The following SMPX variants were observed in gnomAD, a reference collection of about 807,000 sequenced individuals.
SMPX encodes small muscle protein X-linked, also known as small muscular protein.
A neutral mutation model predicts 6.3 loss-of-function variants in SMPX; 2 were observed. That is an observed-to-expected ratio of 0.32 (90% CI 0.13 to 0.99). The LOEUF is 0.99. Ranked by LOEUF, SMPX falls within the 50% of genes least tolerant of loss-of-function variation. SMPX has a pLI of 0.49. For synonymous variants in SMPX, 32 were observed against 24.7 expected, an observed-to-expected ratio of 1.30 and a Z score of -0.88; for missense variants, 60 against 66.8, an observed-to-expected ratio of 0.90 and a Z score of 0.36.
rs375024840 is a variant in SMPX, at chrX:21,743,266, T to C, written c.132+484A>G. ...TCCCCAAATAATTTAATGTGCTTAC[T>C]TTCTGCATTCTCACTTATCAGAAGC... On this transcript the variant is annotated intron_variant, in intron 3 of 4. Transcript: ENST00000379494. Among the ~76,000 whole-genome samples the C allele has an allele frequency of 2.5e-4, 28 of 112,084 alleles. No homozygotes were observed. In the East Asian group the frequency reaches 2.5e-3, roughly 10 times the overall value.
chrX:21,710,559 T>A (rs1022906884), intron 4 of SMPX, among the ~76,000 whole-genome samples: 12 of 111,886 alleles, frequency 1.1e-4, no homozygotes, highest in Admixed American at 2.8e-4. Flanking sequence ...GAAAATAAAA[T>A]TTTTTTTAAA....
chrX:21,713,695 A>G (rs2092781206), intron 4 of SMPX, among the ~76,000 whole-genome samples: 1 of 112,073 alleles, frequency 8.9e-6, no homozygotes, highest in African/African-American at 3.3e-5. Context: ...CCCATGACAC[A>G]TGTGAATTAT....
chrX:21,721,925 G>A (rs955120726), intron 4 of SMPX, among the ~76,000 whole-genome samples: 2 of 111,427 alleles, frequency 1.8e-5, no homozygotes, highest in Non-Finnish European at 3.8e-5. Flanking sequence ...ACTTTGGGAG[G>A]CTGAAGCAGG....
intron 2 of SMPX, 26 bp downstream of exon 2, chrX:21,754,220 A>G: frequency 1.7e-6 from 2 of 1,192,291 alleles, no homozygotes; most frequent in South Asian, 1.8e-5. Flanking sequence ...TTAAGCAACC[A>G]GGCAAGAAGT....
rs141022671 is a variant in SMPX at position 21,754,118 on chromosome X, C to T, written c.45+128G>A. 210 of 629,476 alleles carry T rather than the reference C, an allele frequency of 3.3e-4. 1 individual carries two copies. In the African/African-American group the frequency reaches 4.2e-3, roughly 12 times the overall value. The allele number at this position is 629,476 out of a possible 1,213,427, so 51.9% of individuals were successfully genotyped here. ...ACCTAACTGGTTTTATATCCTTTCTCAATTGTACCTTACAAATCTTATGAA... is the reference window on the plus strand; with the variant it reads ...ACCTAACTGGTTTTATATCCTTTCTTAATTGTACCTTACAAATCTTATGAA... On this transcript the variant is annotated intron_variant, in intron 2 of 4. Transcript: ENST00000379494.
intron 4 of SMPX, among the ~76,000 whole-genome samples, chrX:21,730,119 G>A (rs945185375): frequency 8.9e-6 from 1 of 112,311 alleles, no homozygotes; most frequent in African/African-American, 3.2e-5. Context: ...ATTTCCTTCA[G>A]AGAAAGTGAA....
At chrX:21,730,185 T>C (rs2092801724) in intron 4 of SMPX, among the ~76,000 whole-genome samples, 1 of 111,909 alleles carries the variant, frequency 8.9e-6, no homozygotes, top group African/African-American at 3.3e-5. Context: ...GGACAAAAAA[T>C]TTCCACAAAC....
intron 1 of SMPX, among the ~76,000 whole-genome samples, chrX:21,756,883 A>T (rs2092833579): frequency 8.9e-6 from 1 of 112,359 alleles, no homozygotes; most frequent in Admixed American, 9.5e-5. Context: ...GACTTTTACA[A>T]AGCCTATAGT....
intron 4 of SMPX, among the ~76,000 whole-genome samples, chrX:21,736,369 T>C (rs1434288211): frequency 9.0e-6 from 1 of 111,370 alleles, no homozygotes; most frequent in Non-Finnish European, 1.9e-5. Context: ...CTGTAAGGTG[T>C]GGTGGGAGGA....
chrX:21,719,596 G>T (rs1040025400), intron 4 of SMPX, among the ~76,000 whole-genome samples: 1 of 111,581 alleles, frequency 9.0e-6, no homozygotes, highest in African/African-American at 3.3e-5. Context: ...CATTGAATGT[G>T]GGAGCAAGCT....
At chrX:21,731,454 T>C (rs867460887) in intron 4 of SMPX, among the ~76,000 whole-genome samples, 22 of 88,891 alleles carry the variant, frequency 2.5e-4, no homozygotes, top group African/African-American at 7.8e-4. Context: ...CACATACACA[T>C]AATGTGTGTA....
chrX:21,717,090 C>A (rs2092786099), intron 4 of SMPX, among the ~76,000 whole-genome samples: 1 of 111,209 alleles, frequency 9.0e-6, no homozygotes, highest in Admixed American at 9.5e-5. Flanking sequence ...ATTTACATTC[C>A]TTCTGGGGGC....
intron 1 of SMPX, among the ~76,000 whole-genome samples, chrX:21,757,182 C>G (rs897439338): frequency 8.9e-6 from 1 of 112,092 alleles, no homozygotes; most frequent in African/African-American, 3.2e-5. Context: ...GTGGGTAAAG[C>G]TCCATCGCAA....
intron 2 of SMPX, 95 bp from the exon 3 acceptor site, chrX:21,743,931 A>G: frequency 1.5e-6 from 1 of 647,943 alleles, no homozygotes; most frequent in Non-Finnish European, 2.5e-6. Flanking sequence ...AATGCGTCTG[A>G]AAAGTACATC....
chrX:21,747,796 G>A (rs1252368367), intron 2 of SMPX, among the ~76,000 whole-genome samples: 9 of 111,206 alleles, frequency 8.1e-5, no homozygotes, highest in African/African-American at 2.6e-4. Flanking sequence ...AGAGGCTTCT[G>A]GAGTTTCCTC....
intron 1 of SMPX, among the ~76,000 whole-genome samples, chrX:21,757,151 T>C (rs1602115013): frequency 8.9e-6 from 1 of 112,334 alleles, no homozygotes; most frequent in Middle Eastern, 4.6e-3. Context: ...GCTTTGTTTG[T>C]TCTTTTTAAA....
rs761886157 is a variant in SMPX, at chrX:21,732,300, C to G, written c.*14+5249G>C. On this transcript the variant is annotated intron_variant, in intron 4 of 4. Transcript: ENST00000379494. ...CTAAGTTTTCTTCTGGTTTACACGT[C>G]TTTCTCCTCTTTTGAGGAATATGAG... Among the ~76,000 whole-genome samples, 46 of 112,275 alleles carry G rather than the reference C, an allele frequency of 4.1e-4. 1 individual carries two copies. Among genetic ancestry groups the G allele is most frequent in the Non-Finnish European group, 8.1e-4 (43 of 53,191 alleles).
At chrX:21,749,638 T>C (rs753550687) in intron 2 of SMPX, among the ~76,000 whole-genome samples, 1 of 112,026 alleles carries the variant, frequency 8.9e-6, no homozygotes, top group African/African-American at 3.2e-5. Flanking sequence ...TACTTACAAA[T>C]TGTATAATCC....
In SMPX at chrX:21,714,939, ATGTT is replaced by A. The variant is rs751455134; in HGVS notation, c.*15-8549_*15-8546del. Among the ~76,000 whole-genome samples, 19 of 111,528 alleles carry A rather than the reference ATGTT, an allele frequency of 1.7e-4. No homozygotes were observed. In the East Asian group the frequency reaches 3.1e-3, roughly 18 times the overall value. ...TTTTCTTGATAGAGTTTGCTATTTA[ATGTT>A]TGTTTGTTTGTTTTTTCAAGTACCT... On this transcript the variant is annotated intron_variant, in intron 4 of 4. Coordinates refer to ENST00000379494, the MANE Select transcript of SMPX (RefSeq NM_014332.3).
Sources: gnomAD v4.1 joint callset for allele counts (sites outside exome capture counted in the v4.1 genomes callset) on GRCh38, gnomAD v4.1.1 for gene constraint, MANE v1.5 for transcripts, NCBI Gene and HGNC (gene_info 2026-07-23, HGNC 2026-07-21) for gene names.